The following ATG16L1 variants were observed in gnomAD, a reference collection of about 807,000 sequenced individuals.
The protein encoded by ATG16L1 is autophagy-related protein 16-1.
In ATG16L1, 37 loss-of-function variants were observed where a neutral mutation model predicts 88.5. That is an observed-to-expected ratio of 0.42 (90% confidence interval 0.32 to 0.55). The LOEUF is 0.55. Among genes scored for constraint, ATG16L1 ranks in the 20% least tolerant of loss-of-function variants. The pLI is 0.13. For synonymous variants in ATG16L1, 301 were observed against 281.0 expected (o/e 1.07, Z -0.71); for missense variants, 554 against 752.8 (o/e 0.74, Z 3.09).
intron 13 of ATG16L1, 33 bp downstream of exon 13, chr2:233,290,007 T>C (rs770598989): frequency 1.9e-5 from 30 of 1,605,434 alleles, no homozygotes; most frequent in Non-Finnish European, 2.5e-5. Context: ...TCTGTGTATA[T>C]GCTTAGATGT....
chr2:233,294,446 G>C lies in ATG16L1; in HGVS notation c.*96G>C. The C allele has an allele frequency of 1.1e-6, 1 of 906,146 alleles. No homozygotes were observed. Among genetic ancestry groups the C allele is most frequent in the Non-Finnish European group, 1.7e-6 (1 of 592,586 alleles). 56.1% of individuals were successfully genotyped at this position (906,146 alleles called of 1,614,324 possible). A position where few individuals can be genotyped will look rare whatever the true frequency, so the allele number is the denominator to read the frequency against. On this transcript the variant is annotated 3_prime_UTR_variant, in exon 18 of 18. Transcript: ENST00000392017. ...CCTGGCAGGTGATGTGCTGGGTATAGCATGGACCTCCCAGAGAAGCTCAAG... is the reference window on the plus strand; with the variant it reads ...CCTGGCAGGTGATGTGCTGGGTATACCATGGACCTCCCAGAGAAGCTCAAG...
intron 1 of ATG16L1, among the ~76,000 whole-genome samples, chr2:233,253,162 T>C (rs1024158197): frequency 1.8e-4 from 28 of 152,170 alleles, no homozygotes; most frequent in Non-Finnish European, 5.9e-5. Flanking sequence ...AAATGACTAC[T>C]GTGCAGACAA....
At chr2:233,271,688 C>T (rs781621340) in intron 6 of ATG16L1, among the ~76,000 whole-genome samples, 2 of 152,208 alleles carry the variant, frequency 1.3e-5, no homozygotes, top group African/African-American at 2.4e-5. Context: ...CTTGTGGTCC[C>T]GGGCCTAAGC....
At chr2:233,269,578 A>G (rs769883144) in intron 5 of ATG16L1, among the ~76,000 whole-genome samples, 1 of 152,232 alleles carries the variant, frequency 6.6e-6, no homozygotes, top group African/African-American at 2.4e-5. Context: ...AATCTGAGAA[A>G]ATTCGAAATC....
At chr2:233,293,128 C>T in intron 16 of ATG16L1, 128 bp from the exon 17 acceptor site, 2 of 799,268 alleles carry the variant, frequency 2.5e-6, no homozygotes, top group Non-Finnish European at 4.2e-6. Flanking sequence ...AGCACACATT[C>T]TGAGGTCTGG....
In ATG16L1 at chr2:233,264,049, C is replaced by G. The variant is rs1481529777; in HGVS notation, c.373C>G (p.Gln125Glu). 3 of 1,613,978 alleles carry G rather than the reference C, an allele frequency of 1.9e-6. No individual in the cohort carries two copies. The highest frequency in any genetic ancestry group is 2.5e-6 in the Non-Finnish European group (3 of 1,179,918). The change falls in exon 4 of 18, where the codon CAG (glutamine) becomes GAG (glutamate). Residue 125 changes from glutamine (Q) to glutamate (E), a missense_variant. Transcript: ENST00000392017. ...NQMQRKDREM[Q>E]MNEAKIAECL... ...AATGCAGCGGAAGGACAGGGAGATG[C>G]AGATGAATGAAGCAAAGTGAGTAGA...
intron 11 of ATG16L1, 95 bp from the exon 12 acceptor site, chr2:233,282,587 C>A: frequency 1.8e-6 from 2 of 1,138,246 alleles, no homozygotes; most frequent in Non-Finnish European, 1.3e-6. Context: ...AGCATCTAAA[C>A]CTTCTTGTAC....
chr2:233,269,297 G>A (rs1226865368), intron 5 of ATG16L1, among the ~76,000 whole-genome samples: 3 of 152,174 alleles, frequency 2.0e-5, no homozygotes, highest in Non-Finnish European at 4.4e-5. Context: ...AGTCTGTAAA[G>A]TAATTAACAA....
intron 10 of ATG16L1, 49 bp downstream of exon 10, chr2:233,277,722 C>G: frequency 2.0e-6 from 3 of 1,507,232 alleles, no homozygotes; most frequent in Non-Finnish European, 1.8e-6. Flanking sequence ...GATGATGCAC[C>G]CTTGCACTGC....
rs569553985 is a variant in ATG16L1, at chr2:233,274,219, A to G, written c.851+442A>G. ...GGCTGCCAGGTTGAACACTTTGTAC[A>G]GTACTCATGCTCTTGTTGCTTTCTT... On this transcript the variant is annotated intron_variant, in intron 8 of 17. Transcript: ENST00000392017. 8.3e-5 allele frequency: 52 copies of G among 624,000 alleles called. No individual in the cohort carries two copies. In the South Asian group the frequency reaches 8.4e-4, roughly 10 times the overall value. The allele number at this position is 624,000 out of a possible 1,614,324, so 38.7% of individuals were successfully genotyped here.
At chr2:233,271,966 C>A (rs773555489) in intron 6 of ATG16L1, among the ~76,000 whole-genome samples, 14 of 152,186 alleles carry the variant, frequency 9.2e-5, no homozygotes, top group Non-Finnish European at 2.1e-4. Flanking sequence ...GAATAAATAG[C>A]TAAGGAAAAT....
At chr2:233,279,014 A>G (rs1698554215) in intron 10 of ATG16L1, among the ~76,000 whole-genome samples, 1 of 152,162 alleles carries the variant, frequency 6.6e-6, no homozygotes, top group Non-Finnish European at 1.5e-5. Context: ...GCCTCTACAA[A>G]AAAAATATTA....
At chr2:233,260,334 C>T (rs1007321735) in intron 2 of ATG16L1, among the ~76,000 whole-genome samples, 4 of 152,210 alleles carry the variant, frequency 2.6e-5, no homozygotes, top group African/African-American at 9.6e-5. Context: ...TTGGGCCCCA[C>T]CTCAGACCTA....
intron 12 of ATG16L1, among the ~76,000 whole-genome samples, chr2:233,284,656 G>A (rs926152583): frequency 2.6e-5 from 4 of 152,142 alleles, no homozygotes; most frequent in African/African-American, 9.7e-5. Flanking sequence ...TTTTAGTAGA[G>A]ACGGGGTTTC....
At chr2:233,257,422 C>T (rs1341188158) in intron 2 of ATG16L1, among the ~76,000 whole-genome samples, 1 of 152,146 alleles carries the variant, frequency 6.6e-6, no homozygotes, top group Non-Finnish European at 1.5e-5. Context: ...TCTGTTTTTC[C>T]CCTTCAGTTT....
chr2:233,260,380 CTG>C (rs1574847086), intron 2 of ATG16L1, among the ~76,000 whole-genome samples: 1 of 152,216 alleles, frequency 6.6e-6, no homozygotes, highest in African/African-American at 2.4e-5. Context: ...GCCTGGTAAT[CTG>C]TGTTTTCAGA....
At chr2:233,263,933 A>G in intron 3 of ATG16L1, 59 bp from the exon 4 acceptor site, 1 of 1,531,756 alleles carries the variant, frequency 6.5e-7, no homozygotes, top group Non-Finnish European at 9.0e-7. Context: ...CCCACTGTGT[A>G]GTTTCCAAAT....
chr2:233,253,154 ATG>A (rs1696505184), intron 1 of ATG16L1, among the ~76,000 whole-genome samples: 1 of 152,080 alleles, frequency 6.6e-6, no homozygotes, highest in Non-Finnish European at 1.5e-5. Context: ...TGCTTCCCAA[ATG>A]ACTACTGTGC....
intron 2 of ATG16L1, among the ~76,000 whole-genome samples, chr2:233,262,530 A>G (rs1697288225): frequency 6.6e-6 from 1 of 151,556 alleles, no homozygotes; most frequent in South Asian, 2.1e-4. Flanking sequence ...CAAATACACC[A>G]CCTGCTGTAC....
Sources: allele counts gnomAD v4.1 joint callset (sites outside exome capture counted in the v4.1 genomes callset), GRCh38; gene constraint gnomAD v4.1.1; transcripts MANE v1.5; gene names NCBI Gene and HGNC (gene_info 2026-07-23, HGNC 2026-07-21).